The following FAM135A variants were observed in gnomAD, a reference collection of about 807,000 sequenced individuals.
The protein encoded by FAM135A is family with sequence similarity 135 member A.
In FAM135A, 79 loss-of-function variants were observed where a neutral mutation model predicts 146.8. That is an observed-to-expected ratio of 0.54 (90% confidence interval 0.45 to 0.65). The LOEUF (loss-of-function observed/expected upper bound fraction) is 0.65. Among genes scored for constraint, FAM135A ranks in the 30% least tolerant of loss-of-function variants. The pLI, the probability that FAM135A is intolerant of heterozygous loss-of-function variation, is 0.00. For missense variants in FAM135A, 1,623 were observed against 1,758.2 expected (o/e 0.92, Z 1.38); for synonymous variants, 562 against 603.6 (o/e 0.93, Z 1.01).
At chr6:70,514,562 C>A (rs566168549) in intron 12 of FAM135A, among the ~76,000 whole-genome samples, 1 of 152,112 alleles carries the variant, frequency 6.6e-6, no homozygotes, top group Non-Finnish European at 1.5e-5. Flanking sequence ...TTAGATTTAT[C>A]GGAGAATTAA....
intron 5 of FAM135A, 48 bp downstream of exon 5, chr6:70,452,619 A>G (rs573153338): frequency 4.4e-6 from 6 of 1,378,682 alleles, no homozygotes; most frequent in African/African-American, 1.5e-5. Context: ...TGAATGGTCA[A>G]TAACTTTTAA....
At chr6:70,528,086 GT>G (rs1489644525) in intron 15 of FAM135A, among the ~76,000 whole-genome samples, 1 of 152,118 alleles carries the variant, frequency 6.6e-6, no homozygotes, top group East Asian at 1.9e-4. Context: ...GGTTTAAAGT[GT>G]TCATTGTATT....
At chr6:70,471,971 T>C (rs976223646) in intron 5 of FAM135A, among the ~76,000 whole-genome samples, 1 of 152,082 alleles carries the variant, frequency 6.6e-6, no homozygotes, top group Non-Finnish European at 1.5e-5. Flanking sequence ...AATAAAGCCT[T>C]CAAGAAATGA....
At chr6:70,455,019 G>A (rs207467152) in intron 5 of FAM135A, among the ~76,000 whole-genome samples, 2 of 152,092 alleles carry the variant, frequency 1.3e-5, no homozygotes, top group Admixed American at 1.3e-4. Flanking sequence ...ATTACCTTGG[G>A]CAGTATGGCC....
chr6:70,453,571 C>A (rs975525630), intron 5 of FAM135A, among the ~76,000 whole-genome samples: 9 of 151,988 alleles, frequency 5.9e-5, no homozygotes, highest in Admixed American at 3.9e-4. Flanking sequence ...CCCATCCCCC[C>A]ACCCCACAAC....
Position 70,488,768 on chromosome 6 carries a change from T to G in FAM135A, c.824-2266T>G, listed in dbSNP as rs530709712. 2.0e-5 allele frequency among the ~76,000 whole-genome samples: 3 copies of G among 152,144 alleles called. No individual in the cohort carries two copies. In the East Asian group the frequency reaches 5.8e-4, roughly 29 times the overall value. On this transcript the variant is annotated intron_variant, in intron 10 of 21. Transcript: ENST00000418814. ...ATTTTTTCAATATTTCTAGGCTACATAGTTTGCAAGTTTCATATTCTTTCC... is the reference window on the plus strand; with the variant it reads ...ATTTTTTCAATATTTCTAGGCTACAGAGTTTGCAAGTTTCATATTCTTTCC...
At chr6:70,470,091 CAAGT>C (rs1033718420) in intron 5 of FAM135A, among the ~76,000 whole-genome samples, 1 of 151,954 alleles carries the variant, frequency 6.6e-6, no homozygotes, top group Non-Finnish European at 1.5e-5. Flanking sequence ...GATTATAAGT[CAAGT>C]AAGATGAGGT....
At chr6:70,490,530 C>T (rs546796676) in intron 10 of FAM135A, among the ~76,000 whole-genome samples, 11 of 152,076 alleles carry the variant, frequency 7.2e-5, no homozygotes, top group African/African-American at 2.6e-4. Context: ...ACATTAGGAA[C>T]TAACTATTAA....
chr6:70,457,539 C>A (rs1778596172), intron 5 of FAM135A, among the ~76,000 whole-genome samples: 1 of 152,126 alleles, frequency 6.6e-6, no homozygotes, highest in South Asian at 2.1e-4. Flanking sequence ...CTTTACTCAC[C>A]AGAAAAGTGG....
rs189137226 is a variant in FAM135A, at chr6:70,541,958, T to A, written c.4228+3557T>A. ...TGGCTGATGGATGCTTCTCTTCTTC[T>A]TTGCCACTGCCTTAGTTTAGCCTTC... On this transcript the variant is annotated intron_variant, in intron 20 of 21. Transcript: ENST00000418814. Among the ~76,000 whole-genome samples, 6 of 152,342 alleles carry A rather than the reference T, an allele frequency of 3.9e-5. No homozygotes were observed. In the East Asian group the frequency reaches 1.2e-3, roughly 29 times the overall value.
At chr6:70,528,167 C>T (rs959544995) in intron 15 of FAM135A, 125 bp from the exon 16 acceptor site, 15 of 759,690 alleles carry the variant, frequency 2.0e-5, no homozygotes, top group Non-Finnish European at 3.0e-5. Flanking sequence ...GGTGATGCCA[C>T]ATATTTTCAT....
intron 20 of FAM135A, among the ~76,000 whole-genome samples, chr6:70,539,879 C>A (rs1359801819): frequency 1.3e-5 from 2 of 152,094 alleles, no homozygotes; most frequent in Non-Finnish European, 2.9e-5. Context: ...ACCTGTAGTC[C>A]CAGCTACTCG....
At chr6:70,496,631 G>A (rs187640781) in intron 11 of FAM135A, among the ~76,000 whole-genome samples, 522 of 152,244 alleles carry the variant, frequency 3.4e-3, no homozygotes, top group African/African-American at 0.011. Flanking sequence ...AGTTTGTATG[G>A]TTTTAGTTCT....
chr6:70,551,468 C>A (rs1799823425), intron 20 of FAM135A, among the ~76,000 whole-genome samples: 1 of 152,034 alleles, frequency 6.6e-6, no homozygotes, highest in Non-Finnish European at 1.5e-5. Context: ...AAAAAATACC[C>A]AATGTGCTGT....
rs189010297 is a variant in FAM135A at position 70,455,311 on chromosome 6, A to G, written c.157+2740A>G. The stretch of plus-strand genomic sequence containing the variant: ...GACTAATGTTAAATTTTAATGAATT[A>G]TACATAGTGTAGAGTTTATCTTCCT... On this transcript the variant is annotated intron_variant, in intron 5 of 21. Coordinates refer to ENST00000418814, the MANE Select transcript of FAM135A (RefSeq NM_001162529.3). Among the ~76,000 whole-genome samples the G allele has an allele frequency of 3.9e-3, 590 of 152,210 alleles. 7 individuals are homozygous for G. Among genetic ancestry groups the G allele is most frequent in the African/African-American group, 0.014 (569 of 41,538 alleles).
chr6:70,414,061 A>G (rs1194865315), intron 1 of FAM135A: 1 of 983,738 alleles, frequency 1.0e-6, no homozygotes, highest in African/African-American at 1.8e-5. Context: ...TCCCTCCTTT[A>G]CCCGCTTTCG....
intron 4 of FAM135A, among the ~76,000 whole-genome samples, chr6:70,446,445 CT>C (rs1372106320): frequency 6.6e-6 from 1 of 152,186 alleles, no homozygotes; most frequent in African/African-American, 2.4e-5. Context: ...TAAACATCCC[CT>C]TAGGGGATCA....
At position 70,464,667 on chromosome 6, in the gene FAM135A, CTTTT is replaced by C. The variant is rs533623758; in HGVS notation, c.158-10730_158-10727del. ...CTTTCTTTCTTTCTTTCTTTTTTTT[CTTTT>C]TTTTTTTTTTTTGAGACAGTCTCAC... On this transcript the variant is annotated intron_variant, in intron 5 of 21. Coordinates refer to ENST00000418814, the MANE Select transcript of FAM135A (RefSeq NM_001162529.3). 3.8e-4 allele frequency among the ~76,000 whole-genome samples: 38 copies of C among 99,364 alleles called. 2 individuals are homozygous for C. The highest frequency in any genetic ancestry group is 6.2e-4 in the South Asian group (2 of 3,206). The allele number at this position is 99,364 out of a possible 152,430, so 65.2% of individuals were successfully genotyped here.
At position 70,524,912 on chromosome 6, in the gene FAM135A, G is replaced by T. The variant is rs749316930; in HGVS notation, c.1828G>T (p.Ala610Ser). The change falls in exon 15 of 22, where the codon GCA becomes TCA. Residue 610 changes from alanine to serine, a missense_variant. Ala to Ser is a moderately conservative substitution (Grantham distance 99). Around this residue, in one of 7 missense-constraint regions of FAM135A, gnomAD observed 1,061 missense variants for 1,113.8 expected, o/e 0.95. Coordinates refer to ENST00000418814, the MANE Select transcript of FAM135A (RefSeq NM_001162529.3). ...GAACTCTGGCAACCTAAATCTTTGT[G>T]CAAATTTGTCCATTTCAGGTAAACT... Reference protein sequence around the residue: ...PLNSGNLNLCANLSISGKLDI... With the variant: ...PLNSGNLNLCSNLSISGKLDI... 2.5e-6 allele frequency: 4 copies of T among 1,612,018 alleles called. No individual in the cohort carries two copies.
Sources: allele counts gnomAD v4.1 joint callset (sites outside exome capture counted in the v4.1 genomes callset), GRCh38; gene constraint gnomAD v4.1.1; regional missense constraint gnomAD v4.1.1; transcripts MANE v1.5; gene names NCBI Gene and HGNC (gene_info 2026-07-23, HGNC 2026-07-21).